The following VTI1A variants were observed in gnomAD, a reference collection of about 807,000 sequenced individuals.
VTI1A encodes the protein vesicle transport through interaction with t-SNAREs homolog 1A.
VTI1A carries 22 observed loss-of-function variants against 34.9 expected under a neutral mutation model. The ratio of observed to expected loss-of-function variants is 0.63; its 90% CI spans 0.45 to 0.90. The LOEUF (loss-of-function observed/expected upper bound fraction) is 0.90, where lower values mean the gene tolerates loss of function less well. Ranked by LOEUF, VTI1A falls within the 40% of genes least tolerant of loss-of-function variation. The pLI is 0.00. For missense variants in VTI1A, 268 were observed against 275.6 expected (o/e 0.97, Z 0.20); for synonymous variants, 87 against 97.3 (o/e 0.89, Z 0.62).
chr10:112,782,725 T>C (rs535391349), intron 7 of VTI1A, among the ~76,000 whole-genome samples: 26 of 152,228 alleles, frequency 1.7e-4, no homozygotes, highest in African/African-American at 6.3e-4. Flanking sequence ...TAGGGAGTGT[T>C]TGCTAAGAGC....
At chr10:112,535,461 G>A (rs559833932) in intron 4 of VTI1A, among the ~76,000 whole-genome samples, 8 of 152,210 alleles carry the variant, frequency 5.3e-5, no homozygotes, top group African/African-American at 1.9e-4. Flanking sequence ...GCTCCAAAAT[G>A]TGTTTTGTTT....
At chr10:112,788,833 T>C (rs941818564) in intron 7 of VTI1A, among the ~76,000 whole-genome samples, 1 of 152,166 alleles carries the variant, frequency 6.6e-6, no homozygotes, top group Admixed American at 6.5e-5. Flanking sequence ...CATTTTTAAA[T>C]GTTCTCAGTC....
chr10:112,702,889 C>A (rs1849060734), intron 7 of VTI1A, among the ~76,000 whole-genome samples: 1 of 152,018 alleles, frequency 6.6e-6, no homozygotes, highest in African/African-American at 2.4e-5. Context: ...CCTGGCTCTG[C>A]CCTATTTTTT....
At chr10:112,737,484 G>T in intron 7 of VTI1A, 7 of 1,049,050 alleles carry the variant, frequency 6.7e-6, no homozygotes, top group Non-Finnish European at 8.1e-6. Flanking sequence ...AGTCTCTTCC[G>T]CATCTTCTGT....
At position 112,702,572 on chromosome 10, in the gene VTI1A, A is replaced by G. The variant is rs999161732; in HGVS notation, c.560+33574A>G. Among the ~76,000 whole-genome samples, 4 of 151,520 alleles carry G rather than the reference A, an allele frequency of 2.6e-5. No individual in the cohort carries two copies. In the East Asian group the frequency reaches 5.8e-4, roughly 22 times the overall value. On this transcript the variant is annotated intron_variant, in intron 7 of 7. Coordinates refer to ENST00000393077, the MANE Select transcript of VTI1A (RefSeq NM_145206.4). ...GTAGCTGGGATTACAGGCGTGTGCC[A>G]CCACACCCAGCTAATTTATTTTTTA...
At chr10:112,831,403 T>C in the VTI1A span, 2 of 152,266 alleles carry the variant, frequency 1.3e-5, no homozygotes, top group Non-Finnish European at 2.9e-5. Flanking sequence ...CTAATATTCC[T>C]GGCGCATCAG....
rs534373368 is a variant in VTI1A, at chr10:112,661,851, A to G, written c.428-6367A>G. 1.5e-3 allele frequency among the ~76,000 whole-genome samples: 218 copies of G among 142,678 alleles called. 1 individual carries two copies. In the Middle Eastern group the frequency reaches 0.015, roughly 10 times the overall value. The allele number at this position is 142,678 out of a possible 152,430, so 93.6% of individuals were successfully genotyped here. ...GGCACAATCTCGACTCACTGCAACC[A>G]CCACCTCGCAGGTTCAAGTAATTCT... On this transcript the variant is annotated intron_variant, in intron 5 of 7. Transcript: ENST00000393077.
At position 112,553,231 on chromosome 10, in the gene VTI1A, G is replaced by A. The variant is rs76310468; in HGVS notation, c.427+14901G>A. Among the ~76,000 whole-genome samples the A allele has an allele frequency of 7.2e-3, 1,096 of 152,310 alleles. 15 individuals are homozygous for A. The highest frequency in any genetic ancestry group is 0.025 in the African/African-American group (1,020 of 41,562). ...CTTTCACCTGCAGTGAAGCAAAATG[G>A]AATGTGCCTGGAGCTTTGCTACGAG... On this transcript the variant is annotated intron_variant, in intron 5 of 7. Transcript: ENST00000393077.
At chr10:112,575,942 G>A (rs1386818224) in intron 5 of VTI1A, among the ~76,000 whole-genome samples, 4 of 151,292 alleles carry the variant, frequency 2.6e-5, no homozygotes, top group Non-Finnish European at 5.9e-5. Flanking sequence ...TAAACCTCTC[G>A]TGAATTTTTC....
At chr10:112,654,571 C>G (rs1435271990) in intron 5 of VTI1A, among the ~76,000 whole-genome samples, 1 of 152,140 alleles carries the variant, frequency 6.6e-6, no homozygotes, top group Non-Finnish European at 1.5e-5. Flanking sequence ...CGACTCACTG[C>G]AAGCTCCACC....
chr10:112,527,718 A>AATAATG (rs1310316329), intron 4 of VTI1A, among the ~76,000 whole-genome samples: 1 of 150,164 alleles, frequency 6.7e-6, no homozygotes, highest in African/African-American at 2.4e-5. Flanking sequence ...TAATAATAAT[A>AATAATG]ATAATAATAA....
intron 7 of VTI1A, among the ~76,000 whole-genome samples, chr10:112,772,383 T>G (rs1222631529): frequency 6.6e-6 from 1 of 152,230 alleles, no homozygotes; most frequent in Non-Finnish European, 1.5e-5. Context: ...CTTTGCTCGC[T>G]TTTTAATTAG....
chr10:112,449,703 A>C (rs1847159721), intron 1 of VTI1A: 1 of 152,244 alleles, frequency 6.6e-6, no homozygotes, highest in Non-Finnish European at 1.5e-5. Flanking sequence ...CGATGAGCTG[A>C]GATTGCGCCA....
chr10:112,622,867 A>G (rs17352026), intron 5 of VTI1A, among the ~76,000 whole-genome samples: 9,465 of 152,330 alleles, frequency 0.062, 400 homozygotes, highest in Non-Finnish European at 0.094. Flanking sequence ...CAAAATTCCA[A>G]TTATGAGTAT....
chr10:112,524,130 T>C (rs896689635), intron 3 of VTI1A, among the ~76,000 whole-genome samples: 2 of 152,102 alleles, frequency 1.3e-5, no homozygotes, highest in African/African-American at 4.8e-5. Flanking sequence ...ATTTTCCCCC[T>C]TTTTTGGTAT....
chr10:112,622,028 G>A (rs1288532123), intron 5 of VTI1A, among the ~76,000 whole-genome samples: 1 of 152,042 alleles, frequency 6.6e-6, no homozygotes, highest in African/African-American at 2.4e-5. Flanking sequence ...AGAGAGAGTT[G>A]GGGTGCTTAT....
intron 2 of VTI1A, among the ~76,000 whole-genome samples, chr10:112,464,194 C>T (rs532926886): frequency 5.3e-5 from 8 of 152,236 alleles, no homozygotes; most frequent in East Asian, 1.9e-4. Flanking sequence ...GATGGGGTTT[C>T]GCCATGTTGC....
chr10:112,518,581 C>A (rs374179752), intron 3 of VTI1A, among the ~76,000 whole-genome samples: 2,075 of 83,700 alleles, frequency 0.025, 14 homozygotes, highest in African/African-American at 0.055. Context: ...CTCTCTCTCT[C>A]TCTCTCTCTA....
chr10:112,697,299 T>C (rs1200680317), intron 7 of VTI1A, among the ~76,000 whole-genome samples: 9 of 151,924 alleles, frequency 5.9e-5, no homozygotes. Flanking sequence ...GTTCAAGTGA[T>C]TGTCTTGCCT....
Sources: gnomAD v4.1 joint callset for allele counts (sites outside exome capture counted in the v4.1 genomes callset) on GRCh38, gnomAD v4.1.1 for gene constraint, MANE v1.5 for transcripts, NCBI Gene and HGNC (gene_info 2026-07-23, HGNC 2026-07-21) for gene names.